The following BCL7C variants were observed in gnomAD, a reference collection of about 807,000 sequenced individuals.
BCL7C encodes B-cell CLL/lymphoma 7 protein family member C.
Under a neutral mutation model 26.2 loss-of-function variants are expected in BCL7C, and 8 were observed. The ratio of observed to expected loss-of-function variants is 0.30; its 90% CI spans 0.18 to 0.55. BCL7C has a LOEUF of 0.55. Among genes scored for constraint, BCL7C ranks in the 20% least tolerant of loss-of-function variants. The probability of loss-of-function intolerance (pLI) is 0.93; values close to 1 mark genes in which losing one functional copy is unlikely to be tolerated. For synonymous variants in BCL7C, 90 were observed against 116.5 expected (o/e 0.77, Z 1.47); for missense variants, 262 against 298.5 (o/e 0.88, Z 0.90).
intron 5 of BCL7C, among the ~76,000 whole-genome samples, chr16:30,878,104 G>A (rs1202624284): frequency 6.6e-6 from 1 of 151,754 alleles, no homozygotes; most frequent in African/African-American, 2.4e-5. Flanking sequence ...GAACCTGGGA[G>A]GCGGAGGTTG....
chr16:30,860,282 C>G (rs1168109888), intron 5 of BCL7C, among the ~76,000 whole-genome samples: 1 of 152,198 alleles, frequency 6.6e-6, no homozygotes, highest in Admixed American at 6.5e-5. Flanking sequence ...CTGATCACCG[C>G]GGGGATGTCT....
In BCL7C at chr16:30,834,896, T is replaced by G. The variant is rs2054560122; in HGVS notation, c.*52A>C. 13 of 1,442,404 alleles carry G rather than the reference T, an allele frequency of 9.0e-6. No individual in the cohort carries two copies. Among genetic ancestry groups the G allele is most frequent in the Non-Finnish European group, 1.0e-5 (11 of 1,087,982 alleles). The allele number at this position is 1,442,404 out of a possible 1,614,324, so 89.4% of individuals were successfully genotyped here. On this transcript the variant is annotated 3_prime_UTR_variant, in exon 6 of 6. Coordinates refer to the BCL7C transcript ENST00000380317. This position sits in a 1 kb window ranked among gnomAD's most constrained non-coding sequence, Gnocchi z 4.3. ...TCGGGGCACAGGTAGTGGCTGGATC[T>G]TGGGGCAGCCAAGGGAGGCTTTAGG...
intron 5 of BCL7C, among the ~76,000 whole-genome samples, chr16:30,855,655 T>C (rs771666133): frequency 6.6e-5 from 10 of 152,158 alleles, no homozygotes; most frequent in Non-Finnish European, 1.3e-4. Flanking sequence ...CGGGGCATGG[T>C]GGCTCATGTC....
intron 5 of BCL7C, among the ~76,000 whole-genome samples, chr16:30,879,709 A>AAAAAAACAAAAAAAAAAAAC (rs2055013014): frequency 6.8e-6 from 1 of 147,390 alleles, no homozygotes; most frequent in Non-Finnish European, 1.5e-5. Context: ...AAAAAAAAAA[A>AAAAAAACAAAAAAAAAAAAC]CTGGGCACGG....
Position 30,835,710 on chromosome 16 carries a change from G to A in BCL7C, c.529-562C>T, listed in dbSNP as rs184746338. Among the ~76,000 whole-genome samples the A allele has an allele frequency of 2.8e-3, 429 of 151,814 alleles. 2 individuals carry two copies. Among genetic ancestry groups the A allele is most frequent in the African/African-American group, 9.8e-3 (405 of 41,372 alleles). ...AAAATATAAAAATTAGCTGGGCATG[G>A]TGGCGGGCGCCTGTAATCCCAGCTA... On this transcript the variant is annotated intron_variant, in intron 5 of 5. Transcript: ENST00000380317.
chr16:30,855,317 C>A (rs988010945), intron 5 of BCL7C, among the ~76,000 whole-genome samples: 8 of 152,014 alleles, frequency 5.3e-5, no homozygotes, highest in African/African-American at 1.9e-4. Flanking sequence ...CGGCTCACTG[C>A]AAGCTCTACC....
intron 5 of BCL7C, among the ~76,000 whole-genome samples, chr16:30,874,956 G>A (rs1189062443): frequency 2.0e-5 from 3 of 152,224 alleles, no homozygotes; most frequent in Admixed American, 2.0e-4. Context: ...GACCGGGAAT[G>A]GCTCCGGCCA....
At chr16:30,876,358 A>G (rs2054949655) in intron 5 of BCL7C, among the ~76,000 whole-genome samples, 1 of 152,226 alleles carries the variant, frequency 6.6e-6, no homozygotes, top group African/African-American at 2.4e-5. Context: ...CTAAAACTCC[A>G]TTGATCACAG....
At chr16:30,885,683 CAT>C (rs2055122299), downstream of BCL7C, among the ~76,000 whole-genome samples, 1 of 152,144 alleles carries the variant, frequency 6.6e-6, no homozygotes, top group Admixed American at 6.6e-5. Context: ...GGATTATAGG[CAT>C]GAGCCACTGT....
At chr16:30,835,718 C>T (rs1445647714) in intron 5 of BCL7C, among the ~76,000 whole-genome samples, 6 of 149,454 alleles carry the variant, frequency 4.0e-5, no homozygotes, top group African/African-American at 9.9e-5. Context: ...TGGTGGCGGG[C>T]GCCTGTAATC....
At chr16:30,838,465 T>C (rs1318957147) in intron 5 of BCL7C, among the ~76,000 whole-genome samples, 1 of 152,198 alleles carries the variant, frequency 6.6e-6, no homozygotes, top group Non-Finnish European at 1.5e-5. Flanking sequence ...TTGGAGGATT[T>C]TGGATATTTG....
intron 5 of BCL7C, among the ~76,000 whole-genome samples, chr16:30,869,806 C>T (rs2054867697): frequency 6.6e-6 from 1 of 152,156 alleles, no homozygotes; most frequent in Non-Finnish European, 1.5e-5. Context: ...AGCCATGGTG[C>T]CTGGCCTTTT....
chr16:30,843,263 G>A (rs12921686), intron 5 of BCL7C, among the ~76,000 whole-genome samples: 12 of 152,194 alleles, frequency 7.9e-5, no homozygotes, highest in African/African-American at 2.9e-4. Context: ...AGACAATGTA[G>A]CAAGAGTTGG....
chr16:30,876,889 A>T (rs2054958203), intron 5 of BCL7C, among the ~76,000 whole-genome samples: 1 of 152,206 alleles, frequency 6.6e-6, no homozygotes, highest in South Asian at 2.1e-4. Context: ...ACTTGGTGGG[A>T]GAACTCCATG....
chr16:30,850,223 AAAAAG>A (rs1198267725), intron 5 of BCL7C, among the ~76,000 whole-genome samples: 25 of 151,592 alleles, frequency 1.6e-4, no homozygotes, highest in Non-Finnish European at 2.5e-4. Flanking sequence ...AAAAAAAAAA[AAAAAG>A]AAAAGAAAAG....
chr16:30,850,685 T>C (rs1456395235), intron 5 of BCL7C, among the ~76,000 whole-genome samples: 1 of 152,042 alleles, frequency 6.6e-6, no homozygotes, highest in African/African-American at 2.4e-5. Flanking sequence ...AAAGATAAAA[T>C]GATATGCCAC....
At chr16:30,883,158 G>T (rs965165830), downstream of BCL7C, among the ~76,000 whole-genome samples, 1 of 152,150 alleles carries the variant, frequency 6.6e-6, no homozygotes. Context: ...ACCAGGAAGA[G>T]GGGAGTGCCC....
At chr16:30,843,674 G>A (rs2054616483) in intron 5 of BCL7C, among the ~76,000 whole-genome samples, 1 of 152,096 alleles carries the variant, frequency 6.6e-6, no homozygotes, top group African/African-American at 2.4e-5. Context: ...GCACCACACA[G>A]TAGACCAGCA....
intron 4 of BCL7C, among the ~76,000 whole-genome samples, chr16:30,890,085 G>T (rs1213769895): frequency 6.6e-6 from 1 of 152,082 alleles, no homozygotes; most frequent in African/African-American, 2.4e-5. Context: ...CAATCAGACG[G>T]GTTTGACTGC....
Sources: gnomAD v4.1 joint callset for allele counts (sites outside exome capture counted in the v4.1 genomes callset) on GRCh38, gnomAD v4.1.1 for gene constraint, Gnocchi (gnomAD v3.1) non-coding constraint, MANE v1.5 for transcripts, NCBI Gene and HGNC (gene_info 2026-07-23, HGNC 2026-07-21) for gene names.